LRFN2: variants seen among roughly 807,000 people sequenced by gnomAD.
LRFN2 encodes the protein leucine-rich repeat and fibronectin type-III domain-containing protein 2.
LRFN2 carries 18 observed loss-of-function variants against 37.3 expected under a neutral mutation model. The ratio of observed to expected loss-of-function variants is 0.48; its 90% CI spans 0.33 to 0.72. The LOEUF (loss-of-function observed/expected upper bound fraction) is 0.72, where lower values mean the gene tolerates loss of function less well. Among genes scored for constraint, LRFN2 ranks in the 30% least tolerant of loss-of-function variants. The probability of loss-of-function intolerance (pLI) is 0.02; values close to 1 mark genes in which losing one functional copy is unlikely to be tolerated. For missense variants in LRFN2, 1,006 were observed against 1,060.7 expected (o/e 0.95, Z 0.72); for synonymous variants, 556 against 466.6 (o/e 1.19, Z -2.47).
intron 1 of LRFN2, among the ~76,000 whole-genome samples, chr6:40,493,416 G>A (rs1009355644): frequency 4.6e-5 from 7 of 152,184 alleles, no homozygotes; most frequent in Non-Finnish European, 1.0e-4. Context: ...AGGCTAGGTG[G>A]CATTCCACTG....
At chr6:40,463,670 A>ATTTTTTTTTTTTTT (rs66745321) in intron 1 of LRFN2, among the ~76,000 whole-genome samples, 1 of 76,526 alleles carries the variant, frequency 1.3e-5, no homozygotes, top group Non-Finnish European at 2.4e-5. Flanking sequence ...CTTTCTTTCT[A>ATTTTTTTTTTTTTT]TTTTTTTTTT....
chr6:40,489,405 C>A (rs951951603), intron 1 of LRFN2, among the ~76,000 whole-genome samples: 1 of 152,312 alleles, frequency 6.6e-6, no homozygotes, highest in South Asian at 2.1e-4. Flanking sequence ...CTGAGGTGTG[C>A]GGTTAAGAAG....
chr6:40,461,775 G>C (rs1325099549), intron 1 of LRFN2, among the ~76,000 whole-genome samples: 8 of 152,148 alleles, frequency 5.3e-5, no homozygotes, highest in Non-Finnish European at 1.5e-5. Flanking sequence ...TGACATGAAA[G>C]AAGATGACAC....
At chr6:40,435,042 T>TAG (rs1206957506) in intron 1 of LRFN2, among the ~76,000 whole-genome samples, 135 of 91,926 alleles carry the variant, frequency 1.5e-3, no homozygotes, top group Non-Finnish European at 2.3e-3. Flanking sequence ...TATATATATA[T>TAG]ATATATATAT....
At chr6:40,454,506 AG>A (rs1453363580) in intron 1 of LRFN2, among the ~76,000 whole-genome samples, 2 of 152,180 alleles carry the variant, frequency 1.3e-5, no homozygotes, top group Non-Finnish European at 2.9e-5. Context: ...GAAGTTTTAT[AG>A]GGTCATGCTG....
At chr6:40,469,751 C>A (rs1764551709) in intron 1 of LRFN2, among the ~76,000 whole-genome samples, 1 of 152,154 alleles carries the variant, frequency 6.6e-6, no homozygotes, top group South Asian at 2.1e-4. Flanking sequence ...CCAGTTCTCA[C>A]TGACTGGCCT....
At chr6:40,443,660 G>A (rs1763897251) in intron 1 of LRFN2, among the ~76,000 whole-genome samples, 1 of 152,120 alleles carries the variant, frequency 6.6e-6, no homozygotes, top group Admixed American at 6.5e-5. Flanking sequence ...TGGGGAGAAG[G>A]GGTGGAGACA....
rs578062830 is a variant in LRFN2 at position 40,464,640 on chromosome 6, A to T, written c.-18-31509T>A. On this transcript the variant is annotated intron_variant, in intron 1 of 2. Transcript: ENST00000338305. ...ACAAGCAGACTCTGTTGGGTGTCTCACTCACACCCCTCAATGTCCACCATT... is the reference window on the plus strand; with the variant it reads ...ACAAGCAGACTCTGTTGGGTGTCTCTCTCACACCCCTCAATGTCCACCATT... Among the ~76,000 whole-genome samples, 12 of 152,270 alleles carry T rather than the reference A, an allele frequency of 7.9e-5. No homozygotes were observed. The South Asian group carries it at 2.5e-3, about 32-fold the overall frequency.
chr6:40,409,495 C>T (rs1762915073), intron 2 of LRFN2, among the ~76,000 whole-genome samples: 1 of 152,124 alleles, frequency 6.6e-6, no homozygotes, highest in Non-Finnish European at 1.5e-5. Flanking sequence ...TAAAAAGAAG[C>T]CATGATGATG....
At position 40,414,048 on chromosome 6, in the gene LRFN2, G is replaced by A. The variant is rs141351967; in HGVS notation, c.1400+17666C>T. On this transcript the variant is annotated intron_variant, in intron 2 of 2. Transcript: ENST00000338305. ...TCTCACCCCCTCAATCCTAACTCAT[G>A]TCCTGGGAGGAAGAGGAACAGGCAG... Among the ~76,000 whole-genome samples the A allele has an allele frequency of 2.5e-3, 388 of 152,342 alleles. 12 individuals carry two copies. The East Asian group carries it at 0.031, about 12-fold the overall frequency.
intron 1 of LRFN2, among the ~76,000 whole-genome samples, chr6:40,566,498 T>C (rs1767092889): frequency 6.6e-6 from 1 of 152,020 alleles, no homozygotes; most frequent in Admixed American, 6.6e-5. Context: ...TGTCCAACAA[T>C]GATAGACTGG....
At chr6:40,480,669 C>T (rs73732682) in intron 1 of LRFN2, among the ~76,000 whole-genome samples, 1,748 of 152,200 alleles carry the variant, frequency 0.011, 30 homozygotes, top group African/African-American at 0.04. Context: ...GCCCTGCTTG[C>T]TGTGTGGCTT....
chr6:40,392,019 G>A lies in LRFN2; in HGVS notation c.2294C>T (p.Pro765Leu). 1 of 1,613,248 alleles carries A rather than the reference G, an allele frequency of 6.2e-7. No homozygotes were observed. The highest frequency in any genetic ancestry group is 8.5e-7 in the Non-Finnish European group (1 of 1,179,614). ...RSLSVNGMLL[P>L]FEESDLVGAR... ...CCCCACCAGGTCACTCTCCTCAAAG[G>A]GCAAGAGCATGCCGTTGACAGAGAG... The change falls in exon 3 of 3, where the codon CCC becomes CTC. Residue 765 changes from proline (P) to leucine (L), a missense_variant. Coordinates refer to ENST00000338305, the MANE Select transcript of LRFN2 (RefSeq NM_020737.3). This position sits in a 1 kb window ranked among gnomAD's most constrained non-coding sequence, Gnocchi z 4.7.
intron 2 of LRFN2, among the ~76,000 whole-genome samples, chr6:40,413,604 C>T (rs1763021760): frequency 6.6e-6 from 1 of 152,190 alleles, no homozygotes; most frequent in Non-Finnish European, 1.5e-5. Flanking sequence ...TAAATTAGAA[C>T]ACTCCAGGAC....
chr6:40,575,450 C>G (rs79505311), intron 1 of LRFN2, among the ~76,000 whole-genome samples: 1 of 152,288 alleles, frequency 6.6e-6, no homozygotes, highest in African/African-American at 2.4e-5. Flanking sequence ...AACCACACCA[C>G]CCAGCCAGGG....
chr6:40,542,133 T>C (rs1766564723), intron 1 of LRFN2, among the ~76,000 whole-genome samples: 2 of 152,282 alleles, frequency 1.3e-5, no homozygotes, highest in South Asian at 4.1e-4. Flanking sequence ...CATTTCCAAG[T>C]GAACTGCTGC....
chr6:40,419,852 T>C (rs896585305), intron 2 of LRFN2, among the ~76,000 whole-genome samples: 2 of 152,192 alleles, frequency 1.3e-5, no homozygotes, highest in African/African-American at 2.4e-5. Context: ...AGTTAGCTCA[T>C]GGAAAAGCCC....
intron 1 of LRFN2, among the ~76,000 whole-genome samples, chr6:40,475,789 G>C (rs1200145578): frequency 6.6e-6 from 1 of 152,152 alleles, no homozygotes; most frequent in Non-Finnish European, 1.5e-5. Flanking sequence ...GGGATGTGCT[G>C]CCTGTGAGAT....
intron 1 of LRFN2, among the ~76,000 whole-genome samples, chr6:40,453,478 AAT>A (rs1561862228): frequency 6.7e-6 from 1 of 149,692 alleles, no homozygotes; most frequent in Non-Finnish European, 1.5e-5. Flanking sequence ...ACCACTCCTC[AAT>A]AGGGTCAACA....
Sources: gnomAD v4.1 joint callset for allele counts (sites outside exome capture counted in the v4.1 genomes callset) on GRCh38, gnomAD v4.1.1 for gene constraint, Gnocchi (gnomAD v3.1) non-coding constraint, MANE v1.5 for transcripts, NCBI Gene and HGNC (gene_info 2026-07-23, HGNC 2026-07-21) for gene names.